The following PPFIA2 variants were observed in gnomAD, a reference collection of about 807,000 sequenced individuals.
PPFIA2 encodes the protein liprin-alpha-2.
PPFIA2 carries 46 observed loss-of-function variants against 175.5 expected under a neutral mutation model. The observed-to-expected ratio is 0.26, with a 90% confidence interval of 0.21 to 0.34. The LOEUF (loss-of-function observed/expected upper bound fraction) is 0.34, where lower values mean the gene tolerates loss of function less well. PPFIA2 is among the 10% of genes least tolerant of loss of function. The pLI is 1.00. For missense variants in PPFIA2, 1,179 were observed against 1,506.1 expected, an observed-to-expected ratio of 0.78 and a Z score of 3.60; for synonymous variants, 568 against 511.4, an observed-to-expected ratio of 1.11 and a Z score of -1.49.
At chr12:81,475,275 CACA>C (rs1284141053) in intron 4 of PPFIA2, among the ~76,000 whole-genome samples, 3 of 152,164 alleles carry the variant, frequency 2.0e-5, no homozygotes, top group Non-Finnish European at 4.4e-5. Context: ...GTAAAAGGAT[CACA>C]TTTAGTAACT....
At chr12:81,489,103 CA>C (rs749872136) in intron 4 of PPFIA2, among the ~76,000 whole-genome samples, 98 of 151,726 alleles carry the variant, frequency 6.5e-4, no homozygotes, top group Middle Eastern at 3.4e-3. Context: ...TTGAGAGATA[CA>C]AAAATAATAA....
chr12:81,653,146 T>G (rs922293952), intron 4 of PPFIA2, among the ~76,000 whole-genome samples: 7 of 152,134 alleles, frequency 4.6e-5, no homozygotes, highest in African/African-American at 1.4e-4. Flanking sequence ...CTATTTCACT[T>G]AATTTTAAGA....
chr12:81,474,281 C>G (rs529003548), intron 4 of PPFIA2, among the ~76,000 whole-genome samples: 2 of 152,264 alleles, frequency 1.3e-5, no homozygotes, highest in South Asian at 4.1e-4. Context: ...CTCAGCCTCC[C>G]CAGTAGCTGG....
chr12:81,303,317 T>C (rs2048327784), intron 22 of PPFIA2, among the ~76,000 whole-genome samples: 1 of 152,206 alleles, frequency 6.6e-6, no homozygotes, highest in Non-Finnish European at 1.5e-5. Flanking sequence ...TGACCATCTT[T>C]TCCCAAAGGA....
chr12:81,558,619 C>G (rs1318630497), intron 4 of PPFIA2, among the ~76,000 whole-genome samples: 1 of 152,112 alleles, frequency 6.6e-6, no homozygotes, highest in Non-Finnish European at 1.5e-5. Context: ...GAAGCCAGGA[C>G]AGCAGAAGGA....
At chr12:81,566,897 C>T (rs2071438797) in intron 4 of PPFIA2, among the ~76,000 whole-genome samples, 2 of 152,200 alleles carry the variant, frequency 1.3e-5, no homozygotes, top group Admixed American at 1.3e-4. Context: ...CTCAACTGTA[C>T]ATACGTGTGT....
chr12:81,314,105 C>A (rs1298496502), intron 22 of PPFIA2, among the ~76,000 whole-genome samples: 1 of 151,792 alleles, frequency 6.6e-6, no homozygotes, highest in African/African-American at 2.4e-5. Flanking sequence ...TTTCAAGCAG[C>A]TATATCACTT....
intron 3 of PPFIA2, among the ~76,000 whole-genome samples, chr12:81,741,868 G>T (rs1302684980): frequency 6.6e-6 from 1 of 152,184 alleles, no homozygotes; most frequent in Non-Finnish European, 1.5e-5. Context: ...GTAGAGAAGA[G>T]AGGTTGGGTG....
chr12:81,747,531 T>C (rs1026066440), intron 3 of PPFIA2, among the ~76,000 whole-genome samples: 2 of 144,242 alleles, frequency 1.4e-5, no homozygotes, highest in African/African-American at 4.9e-5. Context: ...AAGATAATGA[T>C]GACAATATCT....
chr12:81,583,553 G>T (rs941017462), intron 4 of PPFIA2, among the ~76,000 whole-genome samples: 4 of 151,824 alleles, frequency 2.6e-5, no homozygotes, highest in African/African-American at 9.7e-5. Context: ...GGATGTTTAA[G>T]ATTTATTAAA....
intron 3 of PPFIA2, among the ~76,000 whole-genome samples, chr12:81,677,749 T>C (rs2072831434): frequency 6.6e-6 from 1 of 151,916 alleles, no homozygotes; most frequent in South Asian, 2.1e-4. Context: ...CTTTAATAGG[T>C]AACCACAGAA....
chr12:81,733,689 T>C (rs1348589876), intron 3 of PPFIA2, among the ~76,000 whole-genome samples: 1 of 151,760 alleles, frequency 6.6e-6, no homozygotes, highest in African/African-American at 2.4e-5. Flanking sequence ...TGCTTCTTCC[T>C]ATTCTACTAC....
At chr12:81,630,517 C>CA (rs142664972) in intron 4 of PPFIA2, among the ~76,000 whole-genome samples, 272 of 152,296 alleles carry the variant, frequency 1.8e-3, no homozygotes, top group African/African-American at 6.4e-3. Flanking sequence ...AGAAGCCCCT[C>CA]AAAAGGACAA....
rs374467581 is a variant in PPFIA2 at position 81,519,406 on chromosome 12, A to C, written c.304-61540T>G. Among the ~76,000 whole-genome samples the C allele has an allele frequency of 3.9e-5, 6 of 152,334 alleles. No individual in the cohort carries two copies. The East Asian group carries it at 9.6e-4, about 24-fold the overall frequency. ...CCAAATTATTAATTACATCAGGTAAATCAACCATGACAAGCTATTAATAGG... is the reference window on the plus strand; with the variant it reads ...CCAAATTATTAATTACATCAGGTAACTCAACCATGACAAGCTATTAATAGG... On this transcript the variant is annotated intron_variant, in intron 4 of 32. Transcript: ENST00000549396.
chr12:81,486,655 A>G (rs1467355632), intron 4 of PPFIA2, among the ~76,000 whole-genome samples: 4 of 151,898 alleles, frequency 2.6e-5, no homozygotes, highest in East Asian at 1.9e-4. Context: ...CCTAAAACTA[A>G]TAAGTATGCC....
chr12:81,488,330 CACCTG>C (rs139711601), intron 4 of PPFIA2, among the ~76,000 whole-genome samples: 3,753 of 151,910 alleles, frequency 0.025, 87 homozygotes, highest in East Asian at 0.12. Context: ...CAATTCTTTT[CACCTG>C]ACATTTTGCC....
At position 81,262,022 on chromosome 12, in the gene PPFIA2, T is replaced by G. The variant is rs759345319; in HGVS notation, c.3734A>C (p.Gln1245Pro). 3 of 1,604,968 alleles carry G rather than the reference T, an allele frequency of 1.9e-6. No homozygotes were observed. ...MTTDVASSRL[Q>P]RLDNSTVRTY... The stretch of plus-strand genomic sequence containing the variant: ...GCGAACAGTGGAGTTGTCTAACCTC[T>G]GCAGTCTTGATGAAGCAACTGCAAA... Residue 1245 changes from glutamine to proline, a missense_variant, in exon 32 of 33, where the codon CAG (glutamine) becomes CCG (proline). Transcript: ENST00000549396.
At chr12:81,628,737 T>C (rs1054324951) in intron 4 of PPFIA2, among the ~76,000 whole-genome samples, 3 of 152,216 alleles carry the variant, frequency 2.0e-5, no homozygotes, top group Non-Finnish European at 2.9e-5. Context: ...TAGCAATCAA[T>C]AGCTCCTTTC....
intron 30 of PPFIA2, 89 bp from the exon 31 acceptor site, chr12:81,263,479 AT>A: frequency 8.7e-7 from 1 of 1,144,858 alleles, no homozygotes; most frequent in Non-Finnish European, 1.2e-6. Flanking sequence ...TGTAACATAG[AT>A]TATTTACATT....
Sources: allele counts gnomAD v4.1 joint callset (sites outside exome capture counted in the v4.1 genomes callset), GRCh38; gene constraint gnomAD v4.1.1; transcripts MANE v1.5; gene names NCBI Gene and HGNC (gene_info 2026-07-23, HGNC 2026-07-21).